The following ERLIN1 variants were observed in gnomAD, a reference collection of about 807,000 sequenced individuals.
ERLIN1 encodes ER lipid raft associated 1.
A neutral mutation model predicts 46.9 loss-of-function variants in ERLIN1; 24 were observed. The observed-to-expected ratio is 0.51, with a 90% CI of 0.37 to 0.72. The LOEUF is 0.72. ERLIN1 is among the 30% of genes least tolerant of loss of function. ERLIN1 has a pLI of 0.00. For synonymous variants in ERLIN1, 158 were observed against 143.2 expected (o/e 1.10, Z -0.74); for missense variants, 293 against 417.9 (o/e 0.70, Z 2.61).
intron 4 of ERLIN1, among the ~76,000 whole-genome samples, chr10:100,177,612 G>A (rs759989810): frequency 4.6e-5 from 7 of 152,050 alleles, no homozygotes; most frequent in Non-Finnish European, 7.4e-5. Context: ...CATATAAGAC[G>A]GTATATCTTT....
At chr10:100,160,061 C>A (rs1302888468) in intron 8 of ERLIN1, among the ~76,000 whole-genome samples, 1 of 152,042 alleles carries the variant, frequency 6.6e-6, no homozygotes, top group African/African-American at 2.4e-5. Flanking sequence ...AAAAGGGGCA[C>A]ACAGATTTGG....
Position 100,183,817 on chromosome 10 carries a change from C to T in ERLIN1, c.134G>A (p.Ser45Asn). ...GATATGATAGCCTGGTCCACTGGGG[C>T]TAGTTAGTAAAGCTCCTCCCCTGCA... ...VYYRGGALLTSPSGPGYHIML... is the reference protein window; with the variant it reads ...VYYRGGALLTNPSGPGYHIML... Residue 45 changes from serine (S) to asparagine (N), a missense_variant, in exon 2 of 11, where the codon AGC becomes AAC. Around this residue, in one of 3 missense-constraint regions of ERLIN1, gnomAD observed 76 missense variants for 77.0 expected, o/e 0.99. Transcript: ENST00000421367. The T allele has an allele frequency of 6.2e-7, 1 of 1,613,188 alleles. No individual in the cohort carries two copies. Among genetic ancestry groups the T allele is most frequent in the South Asian group, 1.1e-5 (1 of 91,048 alleles).
At chr10:100,170,034 AAAC>A (rs1393057485) in intron 6 of ERLIN1, among the ~76,000 whole-genome samples, 1 of 152,192 alleles carries the variant, frequency 6.6e-6, no homozygotes, top group Non-Finnish European at 1.5e-5. Context: ...AAACAAAACA[AAAC>A]AACATGTATA....
At chr10:100,171,876 G>A (rs1376920598) in intron 6 of ERLIN1, among the ~76,000 whole-genome samples, 1 of 152,142 alleles carries the variant, frequency 6.6e-6, no homozygotes, top group Non-Finnish European at 1.5e-5. Context: ...AGAGAGAAAG[G>A]GAAAGCTTGC....
At chr10:100,156,281 G>C (rs1843078159) in intron 8 of ERLIN1, 47 bp from the exon 9 acceptor site, 1 of 1,230,500 alleles carries the variant, frequency 8.1e-7, no homozygotes, top group Non-Finnish European at 1.2e-6. Context: ...CATTTCTACA[G>C]TACCTGAGGC....
intron 4 of ERLIN1, among the ~76,000 whole-genome samples, chr10:100,177,640 A>C (rs2134168129): frequency 6.6e-6 from 1 of 152,350 alleles, no homozygotes; most frequent in East Asian, 1.9e-4. Context: ...GCTTCTAATT[A>C]AGTTTTTGAT....
chr10:100,150,399 A>T lies in ERLIN1; in HGVS notation c.*1732T>A, dbSNP rs1397673982. The T allele has an allele frequency of 6.5e-6, 1 of 152,676 alleles. No homozygotes were observed. Among genetic ancestry groups the T allele is most frequent in the Admixed American group, 6.5e-5 (1 of 15,282 alleles). 9.5% of individuals were successfully genotyped at this position (152,676 alleles called of 1,614,324 possible). A position where few individuals can be genotyped will look rare whatever the true frequency, so the allele number is the denominator to read the frequency against. ...TCTAGGAATGAAAGCACAGAGGTCA[A>T]TGATCCAGATTTTCCACAACAATCA... On this transcript the variant is annotated 3_prime_UTR_variant, in exon 11 of 11. Transcript: ENST00000421367.
At chr10:100,153,472 T>TG (rs757482690) in intron 10 of ERLIN1, among the ~76,000 whole-genome samples, 2 of 152,328 alleles carry the variant, frequency 1.3e-5, no homozygotes, top group East Asian at 3.9e-4. Context: ...GACCCTGCTC[T>TG]GTGATCCTCT....
intron 8 of ERLIN1, among the ~76,000 whole-genome samples, chr10:100,159,522 G>C (rs1198297754): frequency 6.6e-6 from 1 of 152,036 alleles, no homozygotes; most frequent in Non-Finnish European, 1.5e-5. Context: ...GTACAGGTAG[G>C]CCACAAAGCA....
chr10:100,151,933 G>A lies in ERLIN1; in HGVS notation c.*198C>T, dbSNP rs976491955. On this transcript the variant is annotated 3_prime_UTR_variant, in exon 11 of 11. Coordinates refer to ENST00000421367, the MANE Select transcript of ERLIN1 (RefSeq NM_006459.4). ...GGAATACATATAGGATACTTGATAA[G>A]ACTGTGGCTGAAAAGACCATTTGTG... 2.2e-5 allele frequency: 14 copies of A among 637,838 alleles called. No homozygotes were observed. Among genetic ancestry groups the A allele is most frequent in the Non-Finnish European group, 2.8e-5 (10 of 350,926 alleles). 39.5% of individuals were successfully genotyped at this position (637,838 alleles called of 1,614,324 possible).
At chr10:100,161,663 T>G (rs987275826) in intron 8 of ERLIN1, among the ~76,000 whole-genome samples, 3 of 152,106 alleles carry the variant, frequency 2.0e-5, no homozygotes, top group Non-Finnish European at 4.4e-5. Context: ...CAACTCACTC[T>G]CCACATCGCA....
intron 7 of ERLIN1, among the ~76,000 whole-genome samples, chr10:100,165,731 A>C (rs1445575454): frequency 1.3e-5 from 2 of 151,852 alleles, no homozygotes; most frequent in African/African-American, 4.8e-5. Context: ...CAGTTTAATA[A>C]AATTTTCTTT....
chr10:100,167,437 T>G (rs1482183592), intron 6 of ERLIN1, 31 bp from the exon 7 acceptor site: 2 of 1,562,738 alleles, frequency 1.3e-6, no homozygotes, highest in African/African-American at 2.7e-5. Flanking sequence ...AGCCAAAGTA[T>G]ATTTGAAAGA....
intron 9 of ERLIN1, among the ~76,000 whole-genome samples, chr10:100,155,760 C>T (rs1010432705): frequency 9.9e-5 from 15 of 152,104 alleles, no homozygotes; most frequent in Non-Finnish European, 1.5e-4. Flanking sequence ...GTGATCCGCC[C>T]GCCTCGGCCT....
At chr10:100,184,386 C>G (rs1352517660) in intron 1 of ERLIN1, among the ~76,000 whole-genome samples, 1 of 152,074 alleles carries the variant, frequency 6.6e-6, no homozygotes, top group East Asian at 1.9e-4. Context: ...GGTGACAAGA[C>G]TATACAAATA....
rs199657565 is a variant in ERLIN1, at chr10:100,183,744, G to C, written c.195+12C>G. The C allele has an allele frequency of 2.6e-5, 42 of 1,590,930 alleles. No individual in the cohort carries two copies. The East Asian group carries it at 9.4e-4, about 36-fold the overall frequency. ...CTATCTGGTATGGAGGCTTCCCCTA[G>C]GAATCACTCACCTGCACAGATCTGA... is the stretch of plus-strand genomic sequence containing the variant. On this transcript the variant is annotated intron_variant, in intron 2 of 10. Coordinates refer to ENST00000421367, the MANE Select transcript of ERLIN1 (RefSeq NM_006459.4).
rs999550861 is a variant in ERLIN1 at position 100,165,969 on chromosome 10, G to A, written c.563+1379C>T. 4.6e-5 allele frequency among the ~76,000 whole-genome samples: 7 copies of A among 152,078 alleles called. No individual in the cohort carries two copies. The East Asian group carries it at 7.8e-4, about 17-fold the overall frequency. On this transcript the variant is annotated intron_variant, in intron 7 of 10. Coordinates refer to ENST00000421367, the MANE Select transcript of ERLIN1 (RefSeq NM_006459.4). The stretch of plus-strand genomic sequence containing the variant: ...TCAAACTCTTGAACTCAGGTGATCC[G>A]CCGGCCTCAGCCTCCTGAAGTGCTA...
chr10:100,163,995 T>C lies in ERLIN1; in HGVS notation c.655+9A>G. On this transcript the variant is annotated intron_variant, in intron 8 of 10. Coordinates refer to ENST00000421367, the MANE Select transcript of ERLIN1 (RefSeq NM_006459.4). ...CTTAGAGACAATCATTTCAGAGAAA[T>C]CCAAGTACCTATAACTGCCTTTTTC... 4 of 1,568,736 alleles carry C rather than the reference T, an allele frequency of 2.5e-6. No individual in the cohort carries two copies. The highest frequency in any genetic ancestry group is 3.5e-6 in the Non-Finnish European group (4 of 1,139,826).
At chr10:100,183,483 G>A (rs867054358) in intron 2 of ERLIN1, among the ~76,000 whole-genome samples, 1 of 152,298 alleles carries the variant, frequency 6.6e-6, no homozygotes, top group Middle Eastern at 3.4e-3. Flanking sequence ...TGTGACAGCA[G>A]CAACAGAAAA....
Sources: gnomAD v4.1 joint callset for allele counts (sites outside exome capture counted in the v4.1 genomes callset) on GRCh38, gnomAD v4.1.1 for gene constraint, gnomAD v4.1.1 regional missense constraint, MANE v1.5 for transcripts, NCBI Gene and HGNC (gene_info 2026-07-23, HGNC 2026-07-21) for gene names.